AZIN1: variants seen among roughly 807,000 people sequenced by gnomAD.
The protein encoded by AZIN1 is antizyme inhibitor 1, also known as ornithine decarboxylase antizyme inhibitor.
AZIN1 carries 12 observed loss-of-function variants against 47.4 expected under a neutral mutation model. The ratio of observed to expected loss-of-function variants is 0.25; its 90% confidence interval spans 0.16 to 0.41. AZIN1 has a LOEUF of 0.41. Ranked by LOEUF, AZIN1 falls within the 10% of genes least tolerant of loss-of-function variation. The pLI, the probability that AZIN1 is intolerant of heterozygous loss-of-function variation, is 1.00. For missense variants in AZIN1, 410 were observed against 532.4 expected (o/e 0.77, Z 2.26); for synonymous variants, 155 against 176.3 (o/e 0.88, Z 0.96).
intron 1 of AZIN1, chr8:102,859,275 C>T (rs1215773910): frequency 6.6e-6 from 1 of 152,114 alleles, no homozygotes; most frequent in Admixed American, 6.5e-5. Context: ...TCAACACCAA[C>T]GTAATTTTCT....
At chr8:102,860,676 C>T (rs897858102) in intron 1 of AZIN1, among the ~76,000 whole-genome samples, 2 of 152,286 alleles carry the variant, frequency 1.3e-5, no homozygotes, top group South Asian at 2.1e-4. Context: ...TGCAAACCAC[C>T]GTGCCCAACT....
intron 3 of AZIN1, among the ~76,000 whole-genome samples, chr8:102,841,636 G>A (rs1245894325): frequency 6.6e-6 from 1 of 151,924 alleles, no homozygotes; most frequent in African/African-American, 2.4e-5. Context: ...AGGATGAGGG[G>A]AAGATGAACA....
chr8:102,829,947 A>C lies in AZIN1; in HGVS notation c.905-11T>G. The C allele has an allele frequency of 6.6e-7, 1 of 1,512,330 alleles. No individual in the cohort carries two copies. Among genetic ancestry groups the C allele is most frequent in the East Asian group, 2.3e-5 (1 of 44,180 alleles). The allele number at this position is 1,512,330 out of a possible 1,614,324, so 93.7% of individuals were successfully genotyped here. The stretch of plus-strand genomic sequence containing the variant: ...TTCCGGTTTTTTCTACTGGAATAAA[A>C]CAGGAAAGGGGAAAATGAATTTTTA... On this transcript the variant is annotated splice_polypyrimidine_tract_variant and intron_variant, in intron 9 of 11. Coordinates refer to ENST00000337198, the MANE Select transcript of AZIN1 (RefSeq NM_148174.4).
intron 1 of AZIN1, among the ~76,000 whole-genome samples, chr8:102,860,804 T>G (rs1366223570): frequency 6.6e-6 from 1 of 152,226 alleles, no homozygotes; most frequent in African/African-American, 2.4e-5. Context: ...TTCTGTGGTA[T>G]TCTTTGTAAA....
intron 11 of AZIN1, 92 bp from the exon 12 acceptor site, chr8:102,828,770 A>G (rs1000111784): frequency 8.0e-6 from 6 of 752,952 alleles, no homozygotes; most frequent in African/African-American, 1.8e-5. Context: ...GATTATAACT[A>G]GTCTTCCAAA....
Position 102,829,938 on chromosome 8 carries a change from T to G in AZIN1, c.905-2A>C. On this transcript the variant is annotated splice_acceptor_variant, in intron 9 of 11. Transcript: ENST00000337198. LOFTEE classifies it high-confidence loss of function. ...GTTCATCACTTCCGGTTTTTTCTAC[T>G]GGAATAAAACAGGAAAGGGGAAAAT... 6.3e-7 allele frequency: 1 copy of G among 1,576,288 alleles called. No homozygotes were observed. Among genetic ancestry groups the G allele is most frequent in the Non-Finnish European group, 8.7e-7 (1 of 1,152,116 alleles).
At position 102,826,815 on chromosome 8, in the gene AZIN1, C is replaced by G. The variant is rs926402980; in HGVS notation, c.*1752G>C. 1.3e-5 allele frequency: 2 copies of G among 152,518 alleles called. No individual in the cohort carries two copies. Among genetic ancestry groups the G allele is most frequent in the African/African-American group, 4.8e-5 (2 of 41,398 alleles). 9.4% of individuals were successfully genotyped at this position (152,518 alleles called of 1,614,324 possible). On this transcript the variant is annotated 3_prime_UTR_variant, in exon 12 of 12. Coordinates refer to ENST00000337198, the MANE Select transcript of AZIN1 (RefSeq NM_148174.4). ...AGAAGGTAGGAAACAGTTCCCCCTC[C>G]TTGTTAAATGGTTAAAAAAAGTTAC...
At chr8:102,852,686 G>A (rs1171653111) in intron 2 of AZIN1, among the ~76,000 whole-genome samples, 1 of 152,216 alleles carries the variant, frequency 6.6e-6, no homozygotes, top group African/African-American at 2.4e-5. Context: ...GGTTGAACCT[G>A]ACTATCCTAA....
chr8:102,844,897 C>A (rs12546634), intron 2 of AZIN1, among the ~76,000 whole-genome samples: 15,982 of 152,230 alleles, frequency 0.1, 1,164 homozygotes, highest in Admixed American at 0.22. Flanking sequence ...TGTCCTAAGG[C>A]AGCACATACT....
At chr8:102,832,482 T>C (rs137921841) in intron 9 of AZIN1, among the ~76,000 whole-genome samples, 8 of 152,244 alleles carry the variant, frequency 5.3e-5, no homozygotes, top group African/African-American at 1.9e-4. Flanking sequence ...CTCTGACCCA[T>C]GTGAGGTAAG....
chr8:102,838,786 T>G lies in AZIN1; in HGVS notation c.407A>C (p.Glu136Ala). Reference sequence around the variant, plus strand: ...ACGTGCAATTTTCTTCAATTCAATTTCATTGTCACATGTCAGGATATTCAC... The same window carrying G: ...ACGTGCAATTTTCTTCAATTCAATTGCATTGTCACATGTCAGGATATTCAC... ...VGVNILTCDN[E>A]IELKKIARNH... Residue 136 changes from glutamate to alanine, a missense_variant, in exon 5 of 12, where the codon GAA becomes GCA. Physicochemically the swap from Glu to Ala is moderately radical, Grantham distance 107. Around this residue, in one of 3 missense-constraint regions of AZIN1, gnomAD observed 237 missense variants for 309.4 expected, o/e 0.77. Coordinates refer to ENST00000337198, the MANE Select transcript of AZIN1 (RefSeq NM_148174.4). 1.2e-6 allele frequency: 2 copies of G among 1,613,122 alleles called. No homozygotes were observed. Among genetic ancestry groups the G allele is most frequent in the Admixed American group, 3.3e-5 (2 of 59,770 alleles).
At position 102,843,715 on chromosome 8, in the gene AZIN1, G is replaced by A. The variant is rs530523012; in HGVS notation, c.-63C>T. 1 of 1,604,778 alleles carries A rather than the reference G, an allele frequency of 6.2e-7. No individual in the cohort carries two copies. Among genetic ancestry groups the A allele is most frequent in the Non-Finnish European group, 8.5e-7 (1 of 1,176,118 alleles). On this transcript the variant is annotated 5_prime_UTR_variant, in exon 3 of 12. Transcript: ENST00000337198. ...GGAAAGACAAGAGACGGGCCACCAAGCCTATGTCTGGGTCCTTAGAATATG... is the reference window on the plus strand; with the variant it reads ...GGAAAGACAAGAGACGGGCCACCAAACCTATGTCTGGGTCCTTAGAATATG...
At chr8:102,830,529 G>A (rs1811379895) in intron 9 of AZIN1, among the ~76,000 whole-genome samples, 1 of 151,664 alleles carries the variant, frequency 6.6e-6, no homozygotes. Flanking sequence ...AAATCAGCAA[G>A]GGGAAGGCAA....
At chr8:102,854,358 T>C (rs902337199) in intron 2 of AZIN1, 3 of 151,150 alleles carry the variant, frequency 2.0e-5, no homozygotes, top group Non-Finnish European at 4.4e-5. Flanking sequence ...CCCAGCATTT[T>C]GGGAGGCAAG....
intron 2 of AZIN1, among the ~76,000 whole-genome samples, chr8:102,855,188 T>C (rs994635436): frequency 1.3e-5 from 2 of 152,052 alleles, no homozygotes; most frequent in Non-Finnish European, 2.9e-5. Flanking sequence ...CCACGAGTAG[T>C]TGGCATTACA....
chr8:102,858,834 G>A (rs1195414629), intron 1 of AZIN1, among the ~76,000 whole-genome samples: 1 of 152,168 alleles, frequency 6.6e-6, no homozygotes, highest in Non-Finnish European at 1.5e-5. Context: ...ACAAATAAAT[G>A]TGATAAGTGC....
Position 102,829,363 on chromosome 8 carries a change from C to G in AZIN1, c.1144G>C (p.Asp382His), listed in dbSNP as rs1811291702. 4 of 1,613,882 alleles carry G rather than the reference C, an allele frequency of 2.5e-6. No homozygotes were observed. The highest frequency in any genetic ancestry group is 2.7e-5 in the African/African-American group (2 of 74,904). ...ELNVGDWLIF[D>H]NMGADSFHEP... ...TGGAAAGAATCTGCTCCCATGTTAT[C>G]AAAGATAAGCCAATCTCCCACATTC... The change falls in exon 11 of 12, where the codon GAT becomes CAT. Residue 382 changes from aspartate to histidine, a missense_variant. By Grantham distance (81) the Asp-to-His change is moderately conservative. This residue lies in a region of AZIN1 where 168 missense variants were observed against 198.3 expected (regional missense o/e 0.85). Coordinates refer to ENST00000337198, the MANE Select transcript of AZIN1 (RefSeq NM_148174.4).
At chr8:102,829,108 T>C (rs1265369312) in intron 11 of AZIN1, among the ~76,000 whole-genome samples, 164 bp downstream of exon 11, 1 of 152,240 alleles carries the variant, frequency 6.6e-6, no homozygotes, top group Non-Finnish European at 1.5e-5. Context: ...AATCGCCTAA[T>C]GTTGTATTTG....
chr8:102,828,554 C>T lies in AZIN1; in HGVS notation c.*13G>A, dbSNP rs200238843. 2.2e-4 allele frequency: 338 copies of T among 1,553,926 alleles called. 1 individual carries two copies. The African/African-American group carries it at 3.8e-3, about 17-fold the overall frequency. On this transcript the variant is annotated 3_prime_UTR_variant, in exon 12 of 12. Coordinates refer to ENST00000337198, the MANE Select transcript of AZIN1 (RefSeq NM_148174.4). Reference sequence around the variant, plus strand: ...ACCTGCAACTTCAGATCTAAAGAAGCGTTAATGCCTGTTTAAGCTTCAGCG... The same window carrying T: ...ACCTGCAACTTCAGATCTAAAGAAGTGTTAATGCCTGTTTAAGCTTCAGCG...
Sources: gnomAD v4.1 joint callset for allele counts (sites outside exome capture counted in the v4.1 genomes callset) on GRCh38, gnomAD v4.1.1 for gene constraint, gnomAD v4.1.1 regional missense constraint, MANE v1.5 for transcripts, NCBI Gene and HGNC (gene_info 2026-07-23, HGNC 2026-07-21) for gene names.